The following ACAD9 variants were observed in gnomAD, a reference collection of about 807,000 sequenced individuals.
The protein encoded by ACAD9 is acyl-CoA dehydrogenase family member 9.
In ACAD9, 53 loss-of-function variants were observed where a neutral mutation model predicts 70.2. The ratio of observed to expected loss-of-function variants is 0.75; its 90% CI spans 0.61 to 0.95. ACAD9 has a LOEUF of 0.95. Among genes scored for constraint, ACAD9 ranks in the 40% least tolerant of loss-of-function variants. ACAD9 has a pLI of 0.00. For synonymous variants in ACAD9, 313 were observed against 312.1 expected (o/e 1.00, Z -0.03); for missense variants, 777 against 802.8 (o/e 0.97, Z 0.39).
intron 8 of ACAD9, 76 bp downstream of exon 8, chr3:128,901,425 C>T (rs1160543975): frequency 6.9e-7 from 1 of 1,451,096 alleles, no homozygotes; most frequent in Non-Finnish European, 9.4e-7. Context: ...TTTGCCCTAT[C>T]CCTGCTCGTA....
Position 128,904,044 on chromosome 3 carries a change from A to G in ACAD9, c.959-18A>G. 3 of 1,613,040 alleles carry G rather than the reference A, an allele frequency of 1.9e-6. No individual in the cohort carries two copies. ...CAGAAATATTCCAGTTCATTCTAAT[A>G]ACTCTGCTCTTCCTCAGAAATGACT... On this transcript the variant is annotated intron_variant, in intron 9 of 17. Coordinates refer to ENST00000308982, the MANE Select transcript of ACAD9 (RefSeq NM_014049.5).
intron 2 of ACAD9, among the ~76,000 whole-genome samples, chr3:128,887,030 A>G (rs1935270776): frequency 6.6e-6 from 1 of 152,020 alleles, no homozygotes; most frequent in South Asian, 2.1e-4. Flanking sequence ...AGTTGAAGTG[A>G]TTCTCATGCC....
chr3:128,912,574 T>C lies in ACAD9; in HGVS notation c.1833T>C (p.Tyr611=), dbSNP rs746501777. 1.9e-6 allele frequency: 3 copies of C among 1,614,052 alleles called. No homozygotes were observed. The highest frequency in any genetic ancestry group is 2.7e-5 in the African/African-American group (2 of 74,900). Residue 611 remains tyrosine (Y), a synonymous_variant, in exon 18 of 18, where the codon TAT becomes TAC. Transcript: ENST00000308982. ...AGCAGATCCTTGAGAAGCGAGCCTA[T>C]ATCTGTGCCCACCCTCTGGACAGGA... ...VSQQILEKRA[Y]ICAHPLDRTC is the part of the protein sequence containing the mutation.
intron 5 of ACAD9, among the ~76,000 whole-genome samples, chr3:128,897,326 CAT>C (rs1935595347): frequency 6.6e-6 from 1 of 152,098 alleles, no homozygotes. Flanking sequence ...GGACTACAGG[CAT>C]GCCCCACCAC....
chr3:128,887,644 A>ATATATATATATATATATAT (rs1935291126), intron 2 of ACAD9, among the ~76,000 whole-genome samples: 1 of 133,106 alleles, frequency 7.5e-6, no homozygotes, highest in African/African-American at 2.9e-5. Context: ...AAAATAAATA[A>ATATATATATATATATATAT]ATATATATAT....
chr3:128,910,666 T>TTGAA (rs2107666289), intron 16 of ACAD9, 75 bp from the exon 17 acceptor site: 2 of 1,533,300 alleles, frequency 1.3e-6, no homozygotes, highest in Non-Finnish European at 9.0e-7. Flanking sequence ...GTTTGGCTGA[T>TTGAA]AGGCTGGGTT....
intron 2 of ACAD9, among the ~76,000 whole-genome samples, chr3:128,886,434 C>T (rs1935251199): frequency 6.6e-6 from 1 of 150,838 alleles, no homozygotes; most frequent in Non-Finnish European, 1.5e-5. Context: ...TCAGGCCAGG[C>T]GCGGTGGCTC....
At chr3:128,899,039 G>C (rs1431736181) in intron 6 of ACAD9, among the ~76,000 whole-genome samples, 1 of 152,182 alleles carries the variant, frequency 6.6e-6, no homozygotes, top group Non-Finnish European at 1.5e-5. Context: ...TGACAACTTT[G>C]GGTGTTCTTT....
Position 128,904,466 on chromosome 3 carries a change from T to C in ACAD9, c.1110T>C (p.Pro370=), listed in dbSNP as rs1407046558. 1 of 1,614,194 alleles carries C rather than the reference T, an allele frequency of 6.2e-7. No homozygotes were observed. The highest frequency in any genetic ancestry group is 1.7e-5 in the Admixed American group (1 of 60,030). The change falls in exon 11 of 18, where the codon CCT becomes CCC. Residue 370 remains proline (P), a synonymous_variant. Coordinates refer to ENST00000308982, the MANE Select transcript of ACAD9 (RefSeq NM_014049.5). The part of the protein sequence containing the change: ...TYLTAGMLDQ[P]GFPDCSIEAA... Reference sequence around the variant, plus strand: ...TCACAGCAGGGATGCTGGACCAACCTGGCTTTCCCGACTGCTCCATCGAGG... The same window carrying C: ...TCACAGCAGGGATGCTGGACCAACCCGGCTTTCCCGACTGCTCCATCGAGG...
At position 128,893,602 on chromosome 3, in the gene ACAD9, T is replaced by C. The variant is rs767369536; in HGVS notation, c.292T>C (p.Leu98=). The part of the protein sequence containing the change: ...DQEGKIPDET[L]EKLKSLGLFG... The stretch of plus-strand genomic sequence containing the variant: ...GGAAGGGAAAATCCCAGATGAAACT[T>C]TGGAGAAATTGAAGAGCCTAGGGCT... The change falls in exon 3 of 18, where the codon TTG becomes CTG. Residue 98 remains leucine (L), a synonymous_variant. Coordinates refer to ENST00000308982, the MANE Select transcript of ACAD9 (RefSeq NM_014049.5). 1.2e-6 allele frequency: 2 copies of C among 1,613,994 alleles called. No homozygotes were observed. Among genetic ancestry groups the C allele is most frequent in the Non-Finnish European group, 8.5e-7 (1 of 1,180,014 alleles).
intron 4 of ACAD9, among the ~76,000 whole-genome samples, 164 bp from the exon 5 acceptor site, chr3:128,896,272 A>G (rs1382790500): frequency 6.6e-6 from 1 of 152,232 alleles, no homozygotes; most frequent in Non-Finnish European, 1.5e-5. Context: ...CCGTCTCCTC[A>G]GCAGCTTGGC....
intron 11 of ACAD9, among the ~76,000 whole-genome samples, 189 bp from the exon 12 acceptor site, chr3:128,905,932 T>C (rs1935874448): frequency 6.6e-6 from 1 of 152,068 alleles, no homozygotes; most frequent in Non-Finnish European, 1.5e-5. Flanking sequence ...CAGAAGGTCA[T>C]GGTGGGGTAG....
At chr3:128,905,660 C>T (rs889436712) in intron 11 of ACAD9, among the ~76,000 whole-genome samples, 1 of 152,226 alleles carries the variant, frequency 6.6e-6, no homozygotes, top group African/African-American at 2.4e-5. Flanking sequence ...TTTATCATCT[C>T]GTTTTCTTGT....
Position 128,902,736 on chromosome 3 carries a change from A to G in ACAD9, c.958+108A>G. On this transcript the variant is annotated intron_variant, in intron 9 of 17. Coordinates refer to ENST00000308982, the MANE Select transcript of ACAD9 (RefSeq NM_014049.5). The surrounding 1 kb of genome is among the most constrained non-coding windows in gnomAD (Gnocchi z 4.0). ...GCCCCTTCCAGGCCAGTGCTGAACCAGGCTACCAGCCTGAGCTCAGTCCCT... is the reference window on the plus strand; with the variant it reads ...GCCCCTTCCAGGCCAGTGCTGAACCGGGCTACCAGCCTGAGCTCAGTCCCT... 7.9e-7 allele frequency: 1 copy of G among 1,263,698 alleles called. No individual in the cohort carries two copies. Among genetic ancestry groups the G allele is most frequent in the Non-Finnish European group, 1.1e-6 (1 of 884,508 alleles). 78.3% of individuals were successfully genotyped at this position (1,263,698 alleles called of 1,614,324 possible).
intron 5 of ACAD9, 100 bp downstream of exon 5, chr3:128,896,636 CTTCT>C: frequency 8.5e-7 from 1 of 1,171,532 alleles, no homozygotes; most frequent in Non-Finnish European, 1.3e-6. Context: ...CTGACTTTTC[CTTCT>C]TTCCAAAATC....
intron 11 of ACAD9, among the ~76,000 whole-genome samples, chr3:128,905,797 A>G (rs1400818125): frequency 6.6e-6 from 1 of 152,168 alleles, no homozygotes; most frequent in Admixed American, 6.5e-5. Flanking sequence ...GACAGAAAGA[A>G]ATCACGGCCG....
chr3:128,885,749 G>C (rs1454727281), intron 2 of ACAD9, among the ~76,000 whole-genome samples: 1 of 151,710 alleles, frequency 6.6e-6, no homozygotes, highest in Non-Finnish European at 1.5e-5. Flanking sequence ...GGGTGCAGTG[G>C]CTCACGCCTG....
At chr3:128,889,317 T>C (rs144229585) in intron 2 of ACAD9, among the ~76,000 whole-genome samples, 1 of 152,220 alleles carries the variant, frequency 6.6e-6, no homozygotes, top group Non-Finnish European at 1.5e-5. Context: ...CCCGGCCTAC[T>C]GTACAGGTTT....
intron 3 of ACAD9, among the ~76,000 whole-genome samples, 189 bp downstream of exon 3, chr3:128,893,845 G>A (rs1350975423): frequency 6.6e-6 from 1 of 152,234 alleles, no homozygotes; most frequent in Non-Finnish European, 1.5e-5. Context: ...CTAGCACAGA[G>A]GAATGAGGCA....
Sources: allele counts gnomAD v4.1 joint callset (sites outside exome capture counted in the v4.1 genomes callset), GRCh38; gene constraint gnomAD v4.1.1; non-coding constraint Gnocchi (gnomAD v3.1); transcripts MANE v1.5; gene names NCBI Gene and HGNC (gene_info 2026-07-23, HGNC 2026-07-21).